PPT1: variants seen among roughly 807,000 people sequenced by gnomAD.
The protein encoded by PPT1 is palmitoyl-protein thioesterase 1.
A neutral mutation model predicts 44.0 loss-of-function variants in PPT1; 24 were observed. The observed-to-expected ratio is 0.54, with a 90% CI of 0.39 to 0.77. PPT1 has a LOEUF of 0.77. PPT1 is among the 30% of genes least tolerant of loss of function. PPT1 has a pLI of 0.00. For synonymous variants in PPT1, 148 were observed against 140.2 expected (o/e 1.06, Z -0.39); for missense variants, 341 against 378.8 (o/e 0.90, Z 0.83).
intron 5 of PPT1, among the ~76,000 whole-genome samples, chr1:40,085,438 C>T (rs1237529976): frequency 6.6e-6 from 1 of 152,162 alleles, no homozygotes; most frequent in Non-Finnish European, 1.5e-5. Context: ...CTACCAGTCT[C>T]CACGTCTTGG....
chr1:40,074,202 T>C lies in PPT1; in HGVS notation c.799-19A>G, dbSNP rs367820578. The stretch of plus-strand genomic sequence containing the variant: ...GGCGGTCCTGCAGAAGGAAAGGCCA[T>C]AATTAATTAAAAAGCTTAATGAAGT... On this transcript the variant is annotated intron_variant, in intron 8 of 8. Coordinates refer to ENST00000642050, the MANE Select transcript of PPT1 (RefSeq NM_000310.4). The C allele has an allele frequency of 1.9e-6, 3 of 1,613,872 alleles. No individual in the cohort carries two copies. The Admixed American group carries it at 5.0e-5, about 27-fold the overall frequency.
intron 8 of PPT1, among the ~76,000 whole-genome samples, chr1:40,074,730 A>G (rs1319748939): frequency 6.6e-6 from 1 of 151,890 alleles, no homozygotes; most frequent in African/African-American, 2.4e-5. Flanking sequence ...CGGCCTCCCA[A>G]AGTGCTGGGA....
At chr1:40,089,300 T>TAA (rs2124484071) in intron 5 of PPT1, 110 bp downstream of exon 5, 2 of 313,410 alleles carry the variant, frequency 6.4e-6, no homozygotes, top group Admixed American at 4.7e-5. Flanking sequence ...AAAAAAGATC[T>TAA]CATTTGAATA....
At chr1:40,077,053 T>A in intron 7 of PPT1, 140 bp from the exon 8 acceptor site, 1 of 1,009,936 alleles carries the variant, frequency 9.9e-7, no homozygotes, top group South Asian at 1.3e-5. Context: ...ATGGATAGGG[T>A]GCGTCTGAGT....
intron 4 of PPT1, chr1:40,089,728 A>C: frequency 1.6e-6 from 1 of 635,278 alleles, no homozygotes; most frequent in Non-Finnish European, 2.9e-6. Flanking sequence ...TTACCTGCTC[A>C]TCCCTGGAGG....
At chr1:40,079,269 T>C (rs1461028677) in intron 6 of PPT1, among the ~76,000 whole-genome samples, 1 of 152,160 alleles carries the variant, frequency 6.6e-6, no homozygotes, top group Non-Finnish European at 1.5e-5. Context: ...GTTGATTTCA[T>C]GTCTTTGCTA....
At chr1:40,088,877 A>G (rs1649401238) in intron 5 of PPT1, among the ~76,000 whole-genome samples, 1 of 152,212 alleles carries the variant, frequency 6.6e-6, no homozygotes, top group Non-Finnish European at 1.5e-5. Context: ...TTCTGTTATA[A>G]TTACATTCTT....
chr1:40,089,394 A>C lies in PPT1; in HGVS notation c.536+16T>G. ...ACGGTGACAGGTCTGTAATCTTTTC[A>C]GCTAACCATACATACCGTTCCTGAA... On this transcript the variant is annotated intron_variant, in intron 5 of 8. Coordinates refer to ENST00000642050, the MANE Select transcript of PPT1 (RefSeq NM_000310.4). The C allele has an allele frequency of 6.2e-7, 1 of 1,601,506 alleles. No homozygotes were observed. Among genetic ancestry groups the C allele is most frequent in the Non-Finnish European group, 8.6e-7 (1 of 1,168,606 alleles).
At chr1:40,089,549 AATG>A in intron 4 of PPT1, 37 bp from the exon 5 acceptor site, 1 of 1,470,322 alleles carries the variant, frequency 6.8e-7, no homozygotes, top group Non-Finnish European at 9.5e-7. Context: ...CTCCTTCAAT[AATG>A]ATGTATCGAA....
chr1:40,079,485 C>T (rs1295352746), intron 6 of PPT1, among the ~76,000 whole-genome samples: 3 of 150,156 alleles, frequency 2.0e-5, no homozygotes, highest in African/African-American at 7.4e-5. Flanking sequence ...TAACCTCTGC[C>T]TCCCAGGTTC....
intron 1 of PPT1, among the ~76,000 whole-genome samples, chr1:40,095,261 T>C (rs74068310): frequency 0.03 from 4,515 of 152,264 alleles, 240 homozygotes; most frequent in African/African-American, 0.1. Flanking sequence ...ACCGGCTATT[T>C]GGTTACAGCC....
intron 4 of PPT1, among the ~76,000 whole-genome samples, chr1:40,089,929 G>A (rs1416216151): frequency 6.7e-6 from 1 of 149,182 alleles, no homozygotes; most frequent in Non-Finnish European, 1.5e-5. Flanking sequence ...GCAAAATATT[G>A]GCAATAATTA....
chr1:40,092,332 T>C, intron 2 of PPT1, 66 bp downstream of exon 2: 1 of 1,531,340 alleles, frequency 6.5e-7, no homozygotes, highest in Non-Finnish European at 9.1e-7. Context: ...AGGCAAAGCA[T>C]TTTAACAGTA....
chr1:40,071,701 G>A (rs1039498872), downstream of PPT1: 18 of 577,398 alleles, frequency 3.1e-5, no homozygotes, highest in Non-Finnish European at 5.3e-5. Context: ...CTGAAATTTG[G>A]GGTGGGATAG....
At chr1:40,072,252 G>GAA (rs61352266), downstream of PPT1, 6,115 of 160,292 alleles carry the variant, frequency 0.038, 453 homozygotes, top group African/African-American at 0.28. Context: ...ACTTTAAAAG[G>GAA]AAAAAAAAAA....
intron 2 of PPT1, 78 bp downstream of exon 2, chr1:40,092,320 C>T: frequency 1.3e-6 from 2 of 1,529,652 alleles, no homozygotes; most frequent in Non-Finnish European, 1.8e-6. Context: ...GCTGAAAACA[C>T]AAGGCAAAGC....
chr1:40,084,234 G>A (rs188707497), intron 5 of PPT1, among the ~76,000 whole-genome samples: 2 of 152,284 alleles, frequency 1.3e-5, no homozygotes, highest in African/African-American at 4.8e-5. Flanking sequence ...GGAACCTGAC[G>A]ATGTGACTGA....
intron 1 of PPT1, among the ~76,000 whole-genome samples, chr1:40,095,294 T>A (rs1649788601): frequency 6.6e-6 from 1 of 152,184 alleles, no homozygotes; most frequent in Non-Finnish European, 1.5e-5. Flanking sequence ...TTCTCCTCAT[T>A]TCCTCCACCT....
chr1:40,091,444 T>G, intron 3 of PPT1, 45 bp from the exon 4 acceptor site: 1 of 1,506,936 alleles, frequency 6.6e-7, no homozygotes, highest in Non-Finnish European at 9.2e-7. Flanking sequence ...CAGATGGAAA[T>G]GTATCATCCA....
Sources: allele counts gnomAD v4.1 joint callset (sites outside exome capture counted in the v4.1 genomes callset), GRCh38; gene constraint gnomAD v4.1.1; transcripts MANE v1.5; gene names NCBI Gene and HGNC (gene_info 2026-07-23, HGNC 2026-07-21).